The following CAB39 variants were observed in gnomAD, a reference collection of about 807,000 sequenced individuals.
CAB39 encodes the protein calcium-binding protein 39.
In CAB39, 8 loss-of-function variants were observed where a neutral mutation model predicts 40.0. The observed-to-expected ratio is 0.20, with a 90% confidence interval of 0.12 to 0.36. The LOEUF (loss-of-function observed/expected upper bound fraction) is 0.36. CAB39 is among the 10% of genes least tolerant of loss of function. The pLI is 1.00. For missense variants in CAB39, 270 were observed against 401.1 expected (o/e 0.67, Z 2.79); for synonymous variants, 156 against 141.6 (o/e 1.10, Z -0.72).
rs1559610542 is a variant in CAB39 at position 230,786,187 on chromosome 2, A to AAG, written c.115-4681_115-4680dup. The stretch of plus-strand genomic sequence containing the variant: ...TCAAAAAAAAAAAAAAAAAAAAAAA[A>AAG]AGAGATGGAGTCTCACCATGTTGCC... On this transcript the variant is annotated intron_variant, in intron 2 of 8. Coordinates refer to ENST00000258418, the MANE Select transcript of CAB39 (RefSeq NM_016289.4). 3.6e-3 allele frequency among the ~76,000 whole-genome samples: 503 copies of AAG among 140,882 alleles called. 4 individuals carry two copies. The highest frequency in any genetic ancestry group is 0.014 in the African/African-American group (478 of 34,816). 92.4% of individuals were successfully genotyped at this position (140,882 alleles called of 152,430 possible).
chr2:230,780,951 G>A (rs576345162), intron 2 of CAB39, among the ~76,000 whole-genome samples: 98 of 152,080 alleles, frequency 6.4e-4, no homozygotes, highest in Non-Finnish European at 8.8e-4. Flanking sequence ...ACATGGTGGT[G>A]TGTACCTGTA....
intron 5 of CAB39, among the ~76,000 whole-genome samples, chr2:230,807,372 G>A (rs1256332476): frequency 6.6e-6 from 1 of 151,944 alleles, no homozygotes; most frequent in African/African-American, 2.4e-5. Context: ...TCTCTGAGCT[G>A]GCGCTTAACA....
intron 2 of CAB39, among the ~76,000 whole-genome samples, chr2:230,772,774 C>G (rs537398464): frequency 6.6e-6 from 1 of 152,084 alleles, no homozygotes; most frequent in East Asian, 1.9e-4. Context: ...CGTGAGACAC[C>G]ACGCCTGGCC....
At chr2:230,753,786 A>G (rs1695132864) in intron 1 of CAB39, among the ~76,000 whole-genome samples, 1 of 151,658 alleles carries the variant, frequency 6.6e-6, no homozygotes, top group African/African-American at 2.4e-5. Flanking sequence ...TTTTTAATGG[A>G]CAAGGGAATT....
chr2:230,783,825 C>A (rs1421372888), intron 2 of CAB39, among the ~76,000 whole-genome samples: 1 of 152,124 alleles, frequency 6.6e-6, no homozygotes, highest in African/African-American at 2.4e-5. Flanking sequence ...TTTAAGGAAT[C>A]CCTTGACTTC....
chr2:230,715,824 T>G (rs1320937351), intron 1 of CAB39, among the ~76,000 whole-genome samples: 1 of 152,158 alleles, frequency 6.6e-6, no homozygotes, highest in Admixed American at 6.5e-5. Flanking sequence ...CACCTCAGCC[T>G]CCTGTAGACG....
chr2:230,818,275 C>T (rs1696439100), intron 8 of CAB39: 2 of 502,282 alleles, frequency 4.0e-6, no homozygotes, highest in Non-Finnish European at 7.0e-6. Context: ...GTATTTAATA[C>T]TAAACACTGT....
intron 6 of CAB39, among the ~76,000 whole-genome samples, chr2:230,813,189 C>G (rs1040206132): frequency 2.6e-5 from 4 of 152,186 alleles, no homozygotes; most frequent in Admixed American, 2.0e-4. Flanking sequence ...AATCTTAAGG[C>G]TAACTGGCCT....
intron 2 of CAB39, 100 bp downstream of exon 2, chr2:230,760,215 AT>A: frequency 3.1e-6 from 2 of 644,418 alleles, no homozygotes; most frequent in Non-Finnish European, 5.4e-6. Flanking sequence ...TTTATTTTGG[AT>A]TTTAAAAATA....
At chr2:230,774,069 C>T (rs562702184) in intron 2 of CAB39, among the ~76,000 whole-genome samples, 7 of 152,222 alleles carry the variant, frequency 4.6e-5, no homozygotes, top group African/African-American at 1.7e-4. Context: ...TCTGGTTTCC[C>T]GTGATCCAGA....
intron 3 of CAB39, among the ~76,000 whole-genome samples, chr2:230,792,229 G>A (rs1267158294): frequency 6.6e-6 from 1 of 152,140 alleles, no homozygotes; most frequent in Non-Finnish European, 1.5e-5. Context: ...TATTTCCTCT[G>A]CAAAGTTGGG....
chr2:230,768,465 T>G (rs1276048976), intron 2 of CAB39, among the ~76,000 whole-genome samples: 1 of 152,230 alleles, frequency 6.6e-6, no homozygotes, highest in Non-Finnish European at 1.5e-5. Flanking sequence ...TAATCATAAC[T>G]GATGGATGTG....
intron 2 of CAB39, among the ~76,000 whole-genome samples, chr2:230,770,735 A>G (rs1695466862): frequency 6.6e-6 from 1 of 152,240 alleles, no homozygotes; most frequent in African/African-American, 2.4e-5. Context: ...ATTTATTCCT[A>G]GAATGCAGAG....
chr2:230,794,048 T>C (rs1040713758), intron 4 of CAB39, among the ~76,000 whole-genome samples: 1 of 152,178 alleles, frequency 6.6e-6, no homozygotes, highest in African/African-American at 2.4e-5. Context: ...CCGGGTATGG[T>C]GTGCATCTGT....
chr2:230,734,233 A>C (rs984207559), intron 1 of CAB39, among the ~76,000 whole-genome samples: 1 of 152,184 alleles, frequency 6.6e-6, no homozygotes, highest in Admixed American at 6.5e-5. Flanking sequence ...GAATACAGGC[A>C]CTTTTAAGAC....
intron 2 of CAB39, 126 bp from the exon 3 acceptor site, chr2:230,790,746 T>C (rs1465423330): frequency 7.7e-6 from 6 of 775,182 alleles, no homozygotes; most frequent in South Asian, 5.4e-5. Flanking sequence ...TTGCCCACTT[T>C]GCTTCTTGTT....
chr2:230,777,797 A>C (rs1695620360), intron 2 of CAB39, among the ~76,000 whole-genome samples: 1 of 152,122 alleles, frequency 6.6e-6, no homozygotes, highest in African/African-American at 2.4e-5. Flanking sequence ...TTTACTTCTA[A>C]TTCTTTGCTG....
In CAB39 at chr2:230,817,768, A is replaced by G. The variant is rs548487543; in HGVS notation, c.708A>G (p.Leu236=). Residue 236 remains leucine, a synonymous_variant, in exon 8 of 9, where the codon CTA becomes CTG. Transcript: ENST00000258418. ...TGTCTTCTCAGCTTCTCGGTGAACT[A>G]CTACTAGATAGACACAACTTCACAA... ...KRQSLKLLGE[L]LLDRHNFTIM... 7 of 1,592,006 alleles carry G rather than the reference A, an allele frequency of 4.4e-6. No individual in the cohort carries two copies. In the East Asian group the frequency reaches 6.7e-5, roughly 15 times the overall value.
intron 1 of CAB39, among the ~76,000 whole-genome samples, chr2:230,737,429 TC>T (rs1694805682): frequency 1.3e-5 from 2 of 152,234 alleles, no homozygotes; most frequent in African/African-American, 4.8e-5. Context: ...CAATGTAACT[TC>T]CTTTTCAAGC....
Sources: gnomAD v4.1 joint callset for allele counts (sites outside exome capture counted in the v4.1 genomes callset) on GRCh38, gnomAD v4.1.1 for gene constraint, MANE v1.5 for transcripts, NCBI Gene and HGNC (gene_info 2026-07-23, HGNC 2026-07-21) for gene names.